SYN2: variants seen among roughly 807,000 people sequenced by gnomAD.
The protein encoded by SYN2 is synapsin-2.
SYN2 carries 19 observed loss-of-function variants against 50.9 expected under a neutral mutation model. The observed-to-expected ratio is 0.37, with a 90% CI of 0.26 to 0.55. The LOEUF (loss-of-function observed/expected upper bound fraction) is 0.55, where lower values mean the gene tolerates loss of function less well. SYN2 is among the 20% of genes least tolerant of loss of function. The pLI, the probability that SYN2 is intolerant of heterozygous loss-of-function variation, is 0.81. For missense variants in SYN2, 587 were observed against 576.4 expected, an observed-to-expected ratio of 1.02 and a Z score of -0.19; for synonymous variants, 255 against 224.9, an observed-to-expected ratio of 1.13 and a Z score of -1.20.
At chr3:12,068,443 C>T (rs757768898) in intron 1 of SYN2, among the ~76,000 whole-genome samples, 1 of 152,070 alleles carries the variant, frequency 6.6e-6, no homozygotes, top group Non-Finnish European at 1.5e-5. Flanking sequence ...CTTGCTTTTC[C>T]GAAATTTATG....
intron 3 of SYN2, among the ~76,000 whole-genome samples, chr3:12,144,124 G>A (rs1411180701): frequency 6.6e-6 from 1 of 152,304 alleles, no homozygotes; most frequent in South Asian, 2.1e-4. Flanking sequence ...GGAAGGTGGG[G>A]TTTCTCTGAA....
chr3:12,073,540 C>T (rs1264395050), intron 1 of SYN2, among the ~76,000 whole-genome samples: 2 of 152,160 alleles, frequency 1.3e-5, no homozygotes, highest in East Asian at 1.9e-4. Context: ...TCTCTTCATC[C>T]TTGTGGGTTT....
intron 9 of SYN2, among the ~76,000 whole-genome samples, chr3:12,168,993 C>T (rs1303751937): frequency 6.6e-6 from 1 of 152,202 alleles, no homozygotes; most frequent in African/African-American, 2.4e-5. Flanking sequence ...CCTACCCAAT[C>T]TGGCTGGGAG....
chr3:12,129,060 G>T (rs1696732689), intron 1 of SYN2, among the ~76,000 whole-genome samples: 1 of 151,550 alleles, frequency 6.6e-6, no homozygotes, highest in Non-Finnish European at 1.5e-5. Flanking sequence ...ATAATAAAAT[G>T]AATCATAAAA....
At chr3:12,120,084 G>A (rs1696520625) in intron 1 of SYN2, among the ~76,000 whole-genome samples, 1 of 152,150 alleles carries the variant, frequency 6.6e-6, no homozygotes, top group Admixed American at 6.5e-5. Context: ...TGGTTGAAAT[G>A]AGGTTGGAGG....
chr3:12,006,664 C>T (rs1693807271), intron 1 of SYN2, among the ~76,000 whole-genome samples: 1 of 151,758 alleles, frequency 6.6e-6, no homozygotes, highest in Non-Finnish European at 1.5e-5. Flanking sequence ...TGTTATATTG[C>T]CTCACTATTA....
chr3:12,024,828 G>A (rs1280671224), intron 1 of SYN2, among the ~76,000 whole-genome samples: 2 of 152,116 alleles, frequency 1.3e-5, no homozygotes, highest in East Asian at 1.9e-4. Flanking sequence ...GGGTTATAGG[G>A]CATATGTATA....
chr3:12,100,716 T>G (rs543344827), intron 1 of SYN2, among the ~76,000 whole-genome samples: 40 of 152,262 alleles, frequency 2.6e-4, no homozygotes, highest in African/African-American at 8.9e-4. Flanking sequence ...TTGCAAATCA[T>G]ATATCTGATA....
In SYN2 at chr3:12,190,712, T is replaced by G; in HGVS notation, c.*87T>G. The G allele has an allele frequency of 6.5e-7, 1 of 1,546,992 alleles. No homozygotes were observed. Among genetic ancestry groups the G allele is most frequent in the Middle Eastern group, 2.2e-4 (1 of 4,634 alleles). On this transcript the variant is annotated 3_prime_UTR_variant, in exon 13 of 13. Coordinates refer to ENST00000621198, the MANE Select transcript of SYN2 (RefSeq NM_133625.6). ...ACAGTCAGCCAGCTTGGTGGTTATGTCCCATGACCTTGACGTGTGTGGTCC... is the reference window on the plus strand; with the variant it reads ...ACAGTCAGCCAGCTTGGTGGTTATGGCCCATGACCTTGACGTGTGTGGTCC...
intron 1 of SYN2, among the ~76,000 whole-genome samples, chr3:12,042,827 T>C (rs1004872040): frequency 3.3e-5 from 5 of 152,036 alleles, no homozygotes; most frequent in African/African-American, 1.2e-4. Flanking sequence ...GAGGCAGAGA[T>C]TGCAGCTAGG....
At chr3:12,104,775 A>G (rs1041191836) in intron 1 of SYN2, among the ~76,000 whole-genome samples, 1 of 151,876 alleles carries the variant, frequency 6.6e-6, no homozygotes, top group Non-Finnish European at 1.5e-5. Context: ...GAGTTTCACC[A>G]TGTTGGCTAG....
Position 12,099,821 on chromosome 3 carries a change from C to T in SYN2, c.378-40830C>T, listed in dbSNP as rs141186981. On this transcript the variant is annotated intron_variant, in intron 1 of 12. Transcript: ENST00000621198. ...CTACTAAAAATACAAAAAACTTAGC[C>T]GGGCGTAGTGGCGGGCGCCTGTAGT... 6.9e-3 allele frequency among the ~76,000 whole-genome samples: 1,047 copies of T among 151,622 alleles called. 12 individuals are homozygous for T. The highest frequency in any genetic ancestry group is 0.024 in the African/African-American group (972 of 41,336).
chr3:12,141,198 A>T (rs1255215674), intron 2 of SYN2, among the ~76,000 whole-genome samples: 2 of 145,124 alleles, frequency 1.4e-5, no homozygotes, highest in Non-Finnish European at 3.1e-5. Context: ...TGAAAGTCCA[A>T]TTTTTTTTTT....
intron 1 of SYN2, among the ~76,000 whole-genome samples, chr3:12,081,379 A>G (rs1246560216): frequency 6.6e-6 from 1 of 152,184 alleles, no homozygotes; most frequent in East Asian, 1.9e-4. Context: ...TAAAAAGGTA[A>G]CTGAAAGACA....
chr3:12,037,364 C>T (rs1484373219), intron 1 of SYN2, among the ~76,000 whole-genome samples: 1 of 152,238 alleles, frequency 6.6e-6, no homozygotes, highest in East Asian at 1.9e-4. Context: ...AACAGCCCCA[C>T]TTCTTTGCAC....
intron 1 of SYN2, chr3:12,070,494 C>T: frequency 1.5e-6 from 1 of 664,812 alleles, no homozygotes; most frequent in South Asian, 1.4e-5. Flanking sequence ...GAAGATTTGG[C>T]ACCACACCTT....
chr3:12,041,442 T>G (rs555475363), intron 1 of SYN2, among the ~76,000 whole-genome samples: 2 of 152,318 alleles, frequency 1.3e-5, no homozygotes, highest in Non-Finnish European at 2.9e-5. Context: ...ATGAGAAATA[T>G]GAACTGGAAG....
intron 1 of SYN2, among the ~76,000 whole-genome samples, chr3:12,095,818 T>C (rs1342354684): frequency 2.6e-5 from 4 of 151,994 alleles, no homozygotes; most frequent in African/African-American, 9.7e-5. Flanking sequence ...TCTTGGGTGA[T>C]TGCAGCCATC....
chr3:12,101,670 G>C (rs1005361633), intron 1 of SYN2, among the ~76,000 whole-genome samples: 30 of 152,080 alleles, frequency 2.0e-4, no homozygotes, highest in African/African-American at 5.8e-4. Context: ...AGGGATACAA[G>C]GAAGAAAAGT....
Sources: allele counts gnomAD v4.1 joint callset (sites outside exome capture counted in the v4.1 genomes callset), GRCh38; gene constraint gnomAD v4.1.1; transcripts MANE v1.5; gene names NCBI Gene and HGNC (gene_info 2026-07-23, HGNC 2026-07-21).